IGF2BP3: variants seen among roughly 807,000 people sequenced by gnomAD.
The protein encoded by IGF2BP3 is insulin like growth factor 2 mRNA binding protein 3.
Under a neutral mutation model 73.8 loss-of-function variants are expected in IGF2BP3, and 9 were observed. That is an observed-to-expected ratio of 0.12 (90% CI 0.07 to 0.21). The LOEUF is 0.21. Ranked by LOEUF, IGF2BP3 falls within the 10% of genes least tolerant of loss-of-function variation. The pLI is 1.00. For missense variants in IGF2BP3, 542 were observed against 714.0 expected, an observed-to-expected ratio of 0.76 and a Z score of 2.75; for synonymous variants, 258 against 256.7, an observed-to-expected ratio of 1.01 and a Z score of -0.05.
At chr7:23,361,624 T>A in intron 4 of IGF2BP3, 27 bp from the exon 5 acceptor site, 4 of 1,613,336 alleles carry the variant, frequency 2.5e-6, no homozygotes, top group Non-Finnish European at 3.4e-6. Context: ...ACGAAGAGAA[T>A]AAAAGTTAGT....
At chr7:23,428,832 A>G (rs116064196) in intron 2 of IGF2BP3, among the ~76,000 whole-genome samples, 2,392 of 151,352 alleles carry the variant, frequency 0.016, 78 homozygotes, top group African/African-American at 0.055. Flanking sequence ...TCATTCCTTC[A>G]GTATCATTAT....
At chr7:23,437,717 A>T (rs1223772573) in intron 2 of IGF2BP3, among the ~76,000 whole-genome samples, 1 of 152,194 alleles carries the variant, frequency 6.6e-6, no homozygotes, top group Non-Finnish European at 1.5e-5. Flanking sequence ...CCACAACTGC[A>T]ATTTAACAAC....
intron 12 of IGF2BP3, among the ~76,000 whole-genome samples, chr7:23,314,187 T>TA (rs2128491226): frequency 6.7e-6 from 1 of 149,554 alleles, no homozygotes; most frequent in South Asian, 2.1e-4. Context: ...CTGACTTATT[T>TA]TTTTTTTTTT....
chr7:23,359,791 C>T (rs1242501915), intron 5 of IGF2BP3, among the ~76,000 whole-genome samples: 1 of 151,978 alleles, frequency 6.6e-6, no homozygotes, highest in Non-Finnish European at 1.5e-5. Flanking sequence ...CACTTTTATC[C>T]CCAGTTCTAC....
chr7:23,466,314 C>T (rs1045038291), intron 2 of IGF2BP3, among the ~76,000 whole-genome samples: 1 of 152,180 alleles, frequency 6.6e-6, no homozygotes. Context: ...TGAGCCACTG[C>T]GCCCAGCCAA....
chr7:23,343,231 T>C (rs1345559898), intron 9 of IGF2BP3, among the ~76,000 whole-genome samples: 8 of 152,206 alleles, frequency 5.3e-5, no homozygotes, highest in Non-Finnish European at 1.2e-4. Flanking sequence ...TTAACTTTTA[T>C]ATGCATTATA....
At chr7:23,331,877 A>G (rs940622036) in intron 10 of IGF2BP3, among the ~76,000 whole-genome samples, 3 of 151,920 alleles carry the variant, frequency 2.0e-5, no homozygotes, top group African/African-American at 4.8e-5. Context: ...AAAAAAAGAA[A>G]AAAAAAAGGA....
intron 3 of IGF2BP3, among the ~76,000 whole-genome samples, chr7:23,367,380 C>A (rs750207392): frequency 3.3e-5 from 5 of 150,110 alleles, no homozygotes; most frequent in Non-Finnish European, 7.4e-5. Context: ...AGATTCTTGT[C>A]CCCTCTCAGT....
intron 10 of IGF2BP3, among the ~76,000 whole-genome samples, chr7:23,338,584 T>G (rs994296058): frequency 2.0e-5 from 3 of 152,314 alleles, no homozygotes; most frequent in Non-Finnish European, 2.9e-5. Flanking sequence ...CTGCTCCCAC[T>G]GAGATTTTTA....
At chr7:23,326,848 A>G (rs932929486) in intron 10 of IGF2BP3, among the ~76,000 whole-genome samples, 1 of 141,054 alleles carries the variant, frequency 7.1e-6, no homozygotes, top group Non-Finnish European at 1.5e-5. Flanking sequence ...ATTCTCACTC[A>G]TAGGTGGGAA....
intron 2 of IGF2BP3, among the ~76,000 whole-genome samples, chr7:23,441,574 T>TAAAAAAAAAAAAAAAAAAAA (rs769391858): frequency 1.8e-5 from 1 of 56,948 alleles, no homozygotes; most frequent in Non-Finnish European, 3.2e-5. Flanking sequence ...CTCCATCTCT[T>TAAAAAAAAAAAAAAAAAAAA]AAAAAAAAAA....
intron 2 of IGF2BP3, among the ~76,000 whole-genome samples, chr7:23,444,245 A>G (rs1175049387): frequency 6.6e-6 from 1 of 152,122 alleles, no homozygotes; most frequent in Non-Finnish European, 1.5e-5. Flanking sequence ...TATCAGAAAA[A>G]TCTTTAACAA....
intron 10 of IGF2BP3, among the ~76,000 whole-genome samples, chr7:23,339,418 AC>A (rs1192315195): frequency 6.6e-6 from 1 of 152,214 alleles, no homozygotes; most frequent in Non-Finnish European, 1.5e-5. Flanking sequence ...GATACACAGA[AC>A]TATACCATAA....
chr7:23,443,330 G>T (rs776070081), intron 2 of IGF2BP3, among the ~76,000 whole-genome samples: 2 of 151,936 alleles, frequency 1.3e-5, no homozygotes, highest in Non-Finnish European at 2.9e-5. Flanking sequence ...TCTTCATGTT[G>T]ATCAGGCTGG....
At chr7:23,465,279 A>C (rs1342544365) in intron 2 of IGF2BP3, among the ~76,000 whole-genome samples, 1 of 152,230 alleles carries the variant, frequency 6.6e-6, no homozygotes, top group Non-Finnish European at 1.5e-5. Flanking sequence ...CAAAGTCTTC[A>C]TGTTCTGTAT....
At chr7:23,456,268 A>AT (rs369504705) in intron 2 of IGF2BP3, among the ~76,000 whole-genome samples, 16 of 150,542 alleles carry the variant, frequency 1.1e-4, no homozygotes, top group South Asian at 2.1e-4. Flanking sequence ...TTCAACCAGC[A>AT]TTTTTTTTGT....
chr7:23,322,442 T>A (rs918799493), intron 10 of IGF2BP3, among the ~76,000 whole-genome samples: 5 of 152,200 alleles, frequency 3.3e-5, no homozygotes, highest in South Asian at 2.1e-4. Flanking sequence ...AATCTACGTC[T>A]GACTGGTGTA....
chr7:23,422,827 G>A (rs1041566835), intron 2 of IGF2BP3, among the ~76,000 whole-genome samples: 12 of 152,086 alleles, frequency 7.9e-5, no homozygotes, highest in East Asian at 3.9e-4. Context: ...TGGGAGTCTC[G>A]CTCTCTCACC....
rs192160508 is a variant in IGF2BP3, at chr7:23,342,260, C to T, written c.1078-71G>A. 7.7e-5 allele frequency: 118 copies of T among 1,536,718 alleles called. No homozygotes were observed. In the East Asian group the frequency reaches 2.7e-3, roughly 35 times the overall value. On this transcript the variant is annotated intron_variant, in intron 9 of 14. Coordinates refer to ENST00000258729, the MANE Select transcript of IGF2BP3 (RefSeq NM_006547.3). ...AGGGAAAGTGAGCATTTTTAAGTGACAGTATTCAAACTGATCTCTTGTCTA... is the reference window on the plus strand; with the variant it reads ...AGGGAAAGTGAGCATTTTTAAGTGATAGTATTCAAACTGATCTCTTGTCTA...
Sources: gnomAD v4.1 joint callset for allele counts (sites outside exome capture counted in the v4.1 genomes callset) on GRCh38, gnomAD v4.1.1 for gene constraint, MANE v1.5 for transcripts, NCBI Gene and HGNC (gene_info 2026-07-23, HGNC 2026-07-21) for gene names.